Variants in MOB1A observed in about 807,000 individuals in gnomAD.
MOB1A encodes the protein MOB kinase activator 1A.
In MOB1A, 10 loss-of-function variants were observed where a neutral mutation model predicts 25.1. The ratio of observed to expected loss-of-function variants is 0.40; its 90% CI spans 0.25 to 0.68. The LOEUF is 0.68. Among genes scored for constraint, MOB1A ranks in the 30% least tolerant of loss-of-function variants. The pLI is 0.40. For missense variants in MOB1A, 177 were observed against 256.3 expected (o/e 0.69, Z 2.11); for synonymous variants, 81 against 79.5 (o/e 1.02, Z -0.10).
rs954568506 is a variant in MOB1A, at chr2:74,165,308, T to C, written c.319A>G (p.Ile107Val). 3.8e-6 allele frequency: 6 copies of C among 1,584,516 alleles called. No homozygotes were observed. Among genetic ancestry groups the C allele is most frequent in the South Asian group, 2.4e-5 (2 of 84,462 alleles). ...WADGTNIKKP[I>V]KCSAPKYIDY... ...ATGTATTTTGGTGCAGAACATTTGA[T>C]TGGCTTTTTAATATTAGTACCATCT... The change falls in exon 4 of 6, where the codon ATC becomes GTC. Residue 107 changes from isoleucine (I) to valine (V), a missense_variant. Coordinates refer to ENST00000396049, the MANE Select transcript of MOB1A (RefSeq NM_018221.5).
chr2:74,169,564 G>T (rs4527231), intron 2 of MOB1A, among the ~76,000 whole-genome samples: 24,572 of 151,998 alleles, frequency 0.16, 2,347 homozygotes, highest in East Asian at 0.38. Context: ...AGAGTATCAC[G>T]AGATATACCC....
At position 74,156,266 on chromosome 2, in the gene MOB1A, A is replaced by G. The variant is rs1038933454; in HGVS notation, c.*302T>C. On this transcript the variant is annotated 3_prime_UTR_variant, in exon 6 of 6. Coordinates refer to ENST00000396049, the MANE Select transcript of MOB1A (RefSeq NM_018221.5). ...TAAAGAAATGACTGAGTAAATGAGTAAAAGAATAATAAGTAAATTTATAAG... is the reference window on the plus strand; with the variant it reads ...TAAAGAAATGACTGAGTAAATGAGTGAAAGAATAATAAGTAAATTTATAAG... The G allele has an allele frequency of 1.2e-5, 3 of 244,484 alleles. No homozygotes were observed. The highest frequency in any genetic ancestry group is 6.8e-5 in the African/African-American group (3 of 43,890). The allele number at this position is 244,484 out of a possible 1,614,324, so 15.1% of individuals were successfully genotyped here.
intron 3 of MOB1A, among the ~76,000 whole-genome samples, 174 bp downstream of exon 3, chr2:74,166,840 A>G (rs1057513592): frequency 2.6e-5 from 4 of 152,212 alleles, no homozygotes; most frequent in Non-Finnish European, 5.9e-5. Context: ...GTCTCAAAAT[A>G]AATAAAATTT....
chr2:74,173,151 A>G (rs1693344509), intron 1 of MOB1A: 1 of 513,300 alleles, frequency 1.9e-6, no homozygotes, highest in Non-Finnish European at 3.9e-6. Flanking sequence ...AAACAAAAAC[A>G]CTCTCTGAAA....
chr2:74,157,288 C>T (rs1692831570), intron 5 of MOB1A, among the ~76,000 whole-genome samples: 3 of 152,032 alleles, frequency 2.0e-5, no homozygotes, highest in Admixed American at 2.0e-4. Context: ...TTCCAGATAG[C>T]TGAACACGTG....
In MOB1A at chr2:74,178,641, C is replaced by A; in HGVS notation, c.14+20G>T. The A allele has an allele frequency of 7.2e-7, 1 of 1,384,528 alleles. No homozygotes were observed. The highest frequency in any genetic ancestry group is 9.4e-7 in the Non-Finnish European group (1 of 1,062,336). 85.8% of individuals were successfully genotyped at this position (1,384,528 alleles called of 1,614,324 possible). On this transcript the variant is annotated intron_variant, in intron 1 of 5. Coordinates refer to ENST00000396049, the MANE Select transcript of MOB1A (RefSeq NM_018221.5). ...AACCTCGGCCCGCAGGCCCGGCGCC[C>A]GCGGCCCGACCCCACTCACAAGAGG...
At chr2:74,167,486 T>C (rs910045315) in intron 2 of MOB1A, among the ~76,000 whole-genome samples, 2 of 152,132 alleles carry the variant, frequency 1.3e-5, no homozygotes, top group Non-Finnish European at 2.9e-5. Flanking sequence ...CCTGACCTCA[T>C]GATCCACTCG....
At chr2:74,172,882 T>C in intron 1 of MOB1A, 130 bp from the exon 2 acceptor site, 1 of 974,354 alleles carries the variant, frequency 1.0e-6, no homozygotes, top group Non-Finnish European at 1.5e-6. Context: ...CCAGGCATGG[T>C]GGCTCATGCC....
At chr2:74,167,863 A>T (rs1050900270) in intron 2 of MOB1A, among the ~76,000 whole-genome samples, 6 of 152,178 alleles carry the variant, frequency 3.9e-5, no homozygotes, top group Non-Finnish European at 8.8e-5. Flanking sequence ...ATGGCCAGGC[A>T]TGGTGGCTCA....
intron 1 of MOB1A, among the ~76,000 whole-genome samples, chr2:74,176,857 G>A (rs1276240284): frequency 6.6e-6 from 1 of 151,980 alleles, no homozygotes; most frequent in East Asian, 1.9e-4. Flanking sequence ...AAATGGTGCA[G>A]CACTTTGAAG....
intron 1 of MOB1A, among the ~76,000 whole-genome samples, chr2:74,173,017 T>C (rs1693341187): frequency 6.6e-6 from 1 of 152,058 alleles, no homozygotes; most frequent in Non-Finnish European, 1.5e-5. Context: ...ACACCTGTAG[T>C]CCCAGCTACT....
intron 2 of MOB1A, among the ~76,000 whole-genome samples, chr2:74,170,207 C>T (rs1175480922): frequency 6.6e-6 from 1 of 151,716 alleles, no homozygotes; most frequent in Non-Finnish European, 1.5e-5. Context: ...AGTGGCACAA[C>T]CTCAGCTCAC....
intron 4 of MOB1A, among the ~76,000 whole-genome samples, chr2:74,159,633 T>C (rs886796084): frequency 6.6e-6 from 1 of 152,050 alleles, no homozygotes; most frequent in African/African-American, 2.4e-5. Context: ...AACACACACA[T>C]TCATAAATAC....
At chr2:74,166,970 A>T in intron 3 of MOB1A, 44 bp downstream of exon 3, 1 of 1,355,348 alleles carries the variant, frequency 7.4e-7, no homozygotes, top group East Asian at 2.3e-5. Flanking sequence ...TTGGTGATAA[A>T]GTAAAACTAA....
At chr2:74,163,352 C>T (rs1693029903) in intron 4 of MOB1A, among the ~76,000 whole-genome samples, 1 of 152,142 alleles carries the variant, frequency 6.6e-6, no homozygotes, top group African/African-American at 2.4e-5. Flanking sequence ...AAATCAACAG[C>T]TGGCCAGTCC....
chr2:74,173,169 A>G, intron 1 of MOB1A: 1 of 517,168 alleles, frequency 1.9e-6, no homozygotes, highest in South Asian at 1.4e-5. Flanking sequence ...AAAAATGCCA[A>G]GATAGGAAGA....
Position 74,170,096 on chromosome 2 carries a change from T to C in MOB1A, c.181+2490A>G, listed in dbSNP as rs1693243857. On this transcript the variant is annotated intron_variant, in intron 2 of 5. Coordinates refer to ENST00000396049, the MANE Select transcript of MOB1A (RefSeq NM_018221.5). The stretch of plus-strand genomic sequence containing the variant: ...TGAAGGTCAATAAATGACTTCAGAA[T>C]AACAGATGATAATCTGAATAAAGTT... Among the ~76,000 whole-genome samples, 5 of 152,082 alleles carry C rather than the reference T, an allele frequency of 3.3e-5. No individual in the cohort carries two copies. The South Asian group carries it at 1.0e-3, about 32-fold the overall frequency.
At position 74,155,145 on chromosome 2, in the gene MOB1A, C is replaced by T. The variant is rs1156840834; in HGVS notation, c.*1423G>A. ...ACATAGAATGCTGATGAACTTAAAG[C>T]TTTGCCAGTTTGGCAAGTCTTCCAG... On this transcript the variant is annotated 3_prime_UTR_variant, in exon 6 of 6. Transcript: ENST00000396049. 6.6e-6 allele frequency: 1 copy of T among 152,426 alleles called. No homozygotes were observed. The highest frequency in any genetic ancestry group is 1.5e-5 in the Non-Finnish European group (1 of 68,030). The allele number at this position is 152,426 out of a possible 1,614,324, so 9.4% of individuals were successfully genotyped here. A position where few individuals can be genotyped will look rare whatever the true frequency, so the allele number is the denominator to read the frequency against.
At chr2:74,172,166 A>G (rs1693312266) in intron 2 of MOB1A, among the ~76,000 whole-genome samples, 1 of 152,174 alleles carries the variant, frequency 6.6e-6, no homozygotes, top group African/African-American at 2.4e-5. Context: ...ACTCTAAGTC[A>G]CAACAATCAA....
Sources: gnomAD v4.1 joint callset for allele counts (sites outside exome capture counted in the v4.1 genomes callset) on GRCh38, gnomAD v4.1.1 for gene constraint, MANE v1.5 for transcripts, NCBI Gene and HGNC (gene_info 2026-07-23, HGNC 2026-07-21) for gene names.